Variants in EXOC6B observed in about 807,000 individuals in gnomAD.
The protein encoded by EXOC6B is exocyst complex component 6B, also known as SEC15 homolog B.
A neutral mutation model predicts 113.5 loss-of-function variants in EXOC6B; 54 were observed. That is an observed-to-expected ratio of 0.48 (90% CI 0.38 to 0.60). The LOEUF is 0.60. Among genes scored for constraint, EXOC6B ranks in the 20% least tolerant of loss-of-function variants. The pLI, the probability that EXOC6B is intolerant of heterozygous loss-of-function variation, is 0.00. For synonymous variants in EXOC6B, 357 were observed against 339.0 expected (o/e 1.05, Z -0.58); for missense variants, 797 against 977.5 (o/e 0.82, Z 2.46).
At chr2:72,192,742 C>T (rs992072607) in intron 20 of EXOC6B, among the ~76,000 whole-genome samples, 8 of 152,130 alleles carry the variant, frequency 5.3e-5, no homozygotes, top group Admixed American at 1.3e-4. Context: ...TGCATGTTTT[C>T]GCTTGAACAG....
At chr2:72,573,463 C>T (rs566237009) in intron 7 of EXOC6B, among the ~76,000 whole-genome samples, 36 of 152,258 alleles carry the variant, frequency 2.4e-4, no homozygotes, top group Non-Finnish European at 4.1e-4. Context: ...TCTTAATAAG[C>T]CAGTCATTCC....
intron 1 of EXOC6B, among the ~76,000 whole-genome samples, chr2:72,771,082 A>C (rs1428092767): frequency 1.3e-5 from 2 of 152,192 alleles, no homozygotes; most frequent in South Asian, 2.1e-4. Context: ...GAGCATAAAG[A>C]GTATCCTCTG....
chr2:72,406,863 C>A (rs1405048509), intron 18 of EXOC6B, among the ~76,000 whole-genome samples: 1 of 152,090 alleles, frequency 6.6e-6, no homozygotes, highest in Non-Finnish European at 1.5e-5. Context: ...CAGAGCAGAA[C>A]TGAAGGAATC....
intron 17 of EXOC6B, among the ~76,000 whole-genome samples, chr2:72,471,415 C>T (rs1338274714): frequency 6.6e-6 from 1 of 152,056 alleles, no homozygotes; most frequent in Non-Finnish European, 1.5e-5. Context: ...CTGTAGGTTG[C>T]CTGTTCACTC....
At chr2:72,269,270 C>CAA (rs113048928) in intron 20 of EXOC6B, among the ~76,000 whole-genome samples, 4 of 146,052 alleles carry the variant, frequency 2.7e-5, no homozygotes, top group African/African-American at 9.9e-5. Context: ...AAATTTCTGC[C>CAA]AAAAAAAAAA....
intron 5 of EXOC6B, among the ~76,000 whole-genome samples, chr2:72,721,390 G>GAAAAAA (rs1679996399): frequency 9.6e-5 from 5 of 52,022 alleles, no homozygotes; most frequent in Non-Finnish European, 1.1e-4. Context: ...AAAAAAAAAT[G>GAAAAAA]AACAAAGAAA....
At chr2:72,751,500 A>C (rs1038574309) in intron 1 of EXOC6B, among the ~76,000 whole-genome samples, 3 of 152,110 alleles carry the variant, frequency 2.0e-5, no homozygotes, top group Non-Finnish European at 4.4e-5. Context: ...CATCAGACTT[A>C]GATTTTCAGG....
intron 19 of EXOC6B, among the ~76,000 whole-genome samples, chr2:72,377,442 G>T (rs745583443): frequency 1.8e-4 from 28 of 152,166 alleles, no homozygotes; most frequent in Non-Finnish European, 3.5e-4. Flanking sequence ...GCCAAGATAT[G>T]GAATCAATCT....
At chr2:72,817,955 C>CTTGT (rs1559027307) in intron 1 of EXOC6B, among the ~76,000 whole-genome samples, 1 of 151,958 alleles carries the variant, frequency 6.6e-6, no homozygotes, top group African/African-American at 2.4e-5. Flanking sequence ...CAGAACATTC[C>CTTGT]TTGTTTGTTT....
intron 6 of EXOC6B, among the ~76,000 whole-genome samples, chr2:72,647,460 C>T (rs1195428307): frequency 1.3e-5 from 2 of 152,170 alleles, no homozygotes; most frequent in African/African-American, 4.8e-5. Context: ...AAAAAACAGC[C>T]TGCATTGCCA....
intron 20 of EXOC6B, among the ~76,000 whole-genome samples, chr2:72,198,334 C>T (rs959767647): frequency 6.6e-6 from 1 of 152,178 alleles, no homozygotes; most frequent in African/African-American, 2.4e-5. Context: ...TCCTCCTTTT[C>T]CCCTTTCTCT....
chr2:72,398,940 T>C (rs1233054163), intron 18 of EXOC6B, among the ~76,000 whole-genome samples: 3 of 143,222 alleles, frequency 2.1e-5, no homozygotes, highest in Non-Finnish European at 4.6e-5. Flanking sequence ...AAAAAGAAAA[T>C]AGTAAATCCT....
At chr2:72,296,875 G>A (rs974182089) in intron 20 of EXOC6B, among the ~76,000 whole-genome samples, 2 of 152,108 alleles carry the variant, frequency 1.3e-5, no homozygotes, top group East Asian at 1.9e-4. Flanking sequence ...CTATTCCTTC[G>A]GTGCTATTCT....
intron 17 of EXOC6B, among the ~76,000 whole-genome samples, chr2:72,478,563 C>T (rs1418919071): frequency 3.3e-5 from 5 of 152,230 alleles, no homozygotes; most frequent in Non-Finnish European, 7.3e-5. Context: ...GCACTGTCAA[C>T]ATGACCTTTA....
intron 20 of EXOC6B, among the ~76,000 whole-genome samples, chr2:72,319,378 C>A (rs1241191954): frequency 1.3e-5 from 2 of 152,112 alleles, no homozygotes; most frequent in Non-Finnish European, 2.9e-5. Context: ...ACCTATTTAA[C>A]CTTGTACTGG....
intron 6 of EXOC6B, among the ~76,000 whole-genome samples, chr2:72,682,100 T>C (rs1410050605): frequency 6.6e-6 from 1 of 151,530 alleles, no homozygotes; most frequent in African/African-American, 2.4e-5. Flanking sequence ...AGAACCAAAG[T>C]CTTGACCAGA....
At chr2:72,292,448 C>T (rs939391982) in intron 20 of EXOC6B, among the ~76,000 whole-genome samples, 2 of 151,280 alleles carry the variant, frequency 1.3e-5, no homozygotes, top group African/African-American at 4.9e-5. Context: ...CAGGACATTG[C>T]CAAAAACCAG....
chr2:72,415,526 T>C (rs1694468489), intron 18 of EXOC6B, among the ~76,000 whole-genome samples: 1 of 151,980 alleles, frequency 6.6e-6, no homozygotes, highest in Non-Finnish European at 1.5e-5. Flanking sequence ...GTTTCTTTTT[T>C]TTTTTTTTGA....
intron 20 of EXOC6B, among the ~76,000 whole-genome samples, chr2:72,308,938 C>G (rs567644895): frequency 2.0e-5 from 3 of 152,162 alleles, no homozygotes; most frequent in East Asian, 3.9e-4. Flanking sequence ...GAAATACTTA[C>G]ACCAAACTGC....
Sources: allele counts gnomAD v4.1 joint callset (sites outside exome capture counted in the v4.1 genomes callset), GRCh38; gene constraint gnomAD v4.1.1; transcripts MANE v1.5; gene names NCBI Gene and HGNC (gene_info 2026-07-23, HGNC 2026-07-21).